The following NPR2 variants were observed in gnomAD, a reference collection of about 807,000 sequenced individuals.
The protein encoded by NPR2 is natriuretic peptide receptor 2, also known as atrial natriuretic peptide receptor 2.
A neutral mutation model predicts 120.7 loss-of-function variants in NPR2; 49 were observed. The observed-to-expected ratio is 0.41, with a 90% CI of 0.32 to 0.52. The LOEUF is 0.52. Among genes scored for constraint, NPR2 ranks in the 20% least tolerant of loss-of-function variants. The pLI is 0.36. For synonymous variants in NPR2, 484 were observed against 519.8 expected, an observed-to-expected ratio of 0.93 and a Z score of 0.94; for missense variants, 931 against 1,362.9, an observed-to-expected ratio of 0.68 and a Z score of 4.99.
At chr9:35,799,752 C>A in intron 3 of NPR2, 21 bp downstream of exon 3, 1 of 1,585,420 alleles carries the variant, frequency 6.3e-7, no homozygotes, top group Non-Finnish European at 8.7e-7. Context: ...CTCTCCCTTC[C>A]TGAGAGTCAG....
chr9:35,798,128 TAACA>T lies in NPR2; in HGVS notation c.874-1486_874-1483del, dbSNP rs572566839. Reference sequence around the variant, plus strand: ...ACCAAAAGTTTGATAACTGCTAGCCTAACAAACTAGCCAAACTTAGTGTTGAGAA... The same window carrying T: ...ACCAAAAGTTTGATAACTGCTAGCCTAACTAGCCAAACTTAGTGTTGAGAA... On this transcript the variant is annotated intron_variant, in intron 2 of 21. Coordinates refer to ENST00000342694, the MANE Select transcript of NPR2 (RefSeq NM_003995.4). 4.6e-5 allele frequency among the ~76,000 whole-genome samples: 7 copies of T among 152,378 alleles called. No individual in the cohort carries two copies. In the East Asian group the frequency reaches 1.3e-3, roughly 29 times the overall value.
rs1828537241 is a variant in NPR2, at chr9:35,808,372, G to A, written c.2713-137G>A. The A allele has an allele frequency of 9.9e-6, 14 of 1,409,070 alleles. No homozygotes were observed. The highest frequency in any genetic ancestry group is 1.3e-5 in the Non-Finnish European group (13 of 999,440). 87.3% of individuals were successfully genotyped at this position (1,409,070 alleles called of 1,614,324 possible). The stretch of plus-strand genomic sequence containing the variant: ...CCTCTCCCCTAGACTCAGGACCATG[G>A]CACTTATTTTCTAGTCAATATTCTG... On this transcript the variant is annotated intron_variant, in intron 18 of 21. Transcript: ENST00000342694. This position sits in a 1 kb window ranked among gnomAD's most constrained non-coding sequence, Gnocchi z 4.0.
Position 35,800,041 on chromosome 9 carries a change from G to GCTT in NPR2, c.1010_1012dup (p.Phe337dup), listed in dbSNP as rs755827832. ...CCCCAGATGAACCTCATCGCTGGCT[G>GCTT]CTTCTATGATGGGATCCTGCTATAT... On this transcript the variant is annotated inframe_insertion, in exon 4 of 22. Coordinates refer to ENST00000342694, the MANE Select transcript of NPR2 (RefSeq NM_003995.4). This position sits in a 1 kb window ranked among gnomAD's most constrained non-coding sequence, Gnocchi z 4.7. 1.2e-6 allele frequency: 2 copies of GCTT among 1,614,142 alleles called. No homozygotes were observed. Among genetic ancestry groups the GCTT allele is most frequent in the Non-Finnish European group, 1.7e-6 (2 of 1,180,024 alleles).
At chr9:35,797,770 A>G (rs1162388607) in intron 2 of NPR2, among the ~76,000 whole-genome samples, 1 of 151,284 alleles carries the variant, frequency 6.6e-6, no homozygotes, top group Non-Finnish European at 1.5e-5. Flanking sequence ...GTTTTTTGGT[A>G]CTACAACTAC....
At position 35,807,380 on chromosome 9, in the gene NPR2, C is replaced by A; in HGVS notation, c.2694C>A (p.Asp898Glu). The change falls in exon 18 of 22, where the codon GAC (aspartate) becomes GAA (glutamate). Residue 898 changes from aspartate (D) to glutamate (E), a missense_variant. This residue lies in a region of NPR2 where 184 missense variants were observed against 328.3 expected (regional missense o/e 0.56). Transcript: ENST00000342694. Reference protein sequence around the residue: ...DLYTCFDAIIDNFDVYKVETI... With the variant: ...DLYTCFDAIIENFDVYKVETI... ...ATACCTGCTTTGATGCCATAATTGA[C>A]AACTTTGATGTCTACAAGGTGAGAG... 3 of 1,611,714 alleles carry A rather than the reference C, an allele frequency of 1.9e-6. No individual in the cohort carries two copies. The highest frequency in any genetic ancestry group is 2.5e-6 in the Non-Finnish European group (3 of 1,178,724).
rs543538371 is a variant in NPR2, at chr9:35,801,592, G to A, written c.1437-51G>A. ...CCCCTGCAACCCTGCTGTTGGCTTG[G>A]GGGTGGCAGGATTCGGCTTGCCAGT... is the stretch of plus-strand genomic sequence containing the variant. On this transcript the variant is annotated intron_variant, in intron 7 of 21. Transcript: ENST00000342694. 1.1e-4 allele frequency: 175 copies of A among 1,611,892 alleles called. 1 individual carries two copies. In the South Asian group the frequency reaches 1.4e-3, roughly 12 times the overall value.
intron 2 of NPR2, among the ~76,000 whole-genome samples, chr9:35,798,213 G>T (rs1456186390): frequency 6.6e-6 from 1 of 152,166 alleles, no homozygotes; most frequent in African/African-American, 2.4e-5. Flanking sequence ...AATATAAATT[G>T]TGTTGAACCT....
At chr9:35,798,411 T>G (rs1456617039) in intron 2 of NPR2, among the ~76,000 whole-genome samples, 1 of 152,188 alleles carries the variant, frequency 6.6e-6, no homozygotes, top group East Asian at 1.9e-4. Context: ...GGCAGCTAAA[T>G]GCTCTAGTAA....
rs2132065770 is a variant in NPR2 at position 35,792,346 on chromosome 9, G to C, written c.-63G>C. On this transcript the variant is annotated 5_prime_UTR_variant, in exon 1 of 22. Transcript: ENST00000342694. ...AGGCTCCAGGCTGGGGGGTGCTCGC[G>C]TCTCCCCTGTAGGCCAGAGCAGCCC... The C allele has an allele frequency of 6.5e-7, 1 of 1,547,952 alleles. No homozygotes were observed. Among genetic ancestry groups the C allele is most frequent in the East Asian group, 2.3e-5 (1 of 43,306 alleles).
rs1272445861 is a variant in NPR2 at position 35,809,503 on chromosome 9, G to A, written c.*58G>A. 4.3e-6 allele frequency: 7 copies of A among 1,612,764 alleles called. No individual in the cohort carries two copies. The African/African-American group carries it at 6.7e-5, about 15-fold the overall frequency. ...GCTGCTGGTACCTGGGTGGGCAATG[G>A]CCACCATGTCTGCACACACCAGAAA... On this transcript the variant is annotated 3_prime_UTR_variant, in exon 22 of 22. Transcript: ENST00000342694. This position sits in a 1 kb window ranked among gnomAD's most constrained non-coding sequence, Gnocchi z 4.1.
chr9:35,801,592 G>C lies in NPR2; in HGVS notation c.1437-51G>C, dbSNP rs543538371. The C allele has an allele frequency of 5.6e-6, 9 of 1,611,892 alleles. No individual in the cohort carries two copies. The East Asian group carries it at 1.3e-4, about 24-fold the overall frequency. On this transcript the variant is annotated intron_variant, in intron 7 of 21. Coordinates refer to ENST00000342694, the MANE Select transcript of NPR2 (RefSeq NM_003995.4). ...CCCCTGCAACCCTGCTGTTGGCTTG[G>C]GGGTGGCAGGATTCGGCTTGCCAGT...
intron 2 of NPR2, among the ~76,000 whole-genome samples, chr9:35,798,873 G>C (rs1828029364): frequency 6.6e-6 from 1 of 152,230 alleles, no homozygotes; most frequent in South Asian, 2.1e-4. Context: ...GCATGTCTGA[G>C]ATCACATGTG....
chr9:35,793,275 C>T (rs1299888178), intron 1 of NPR2, among the ~76,000 whole-genome samples, 200 bp downstream of exon 1: 1 of 152,084 alleles, frequency 6.6e-6, no homozygotes, highest in Non-Finnish European at 1.5e-5. Context: ...TAGGCAGATG[C>T]AAACAAGGAA....
intron 2 of NPR2, among the ~76,000 whole-genome samples, 169 bp downstream of exon 2, chr9:35,794,272 C>T (rs1029539522): frequency 4.6e-5 from 7 of 152,246 alleles, no homozygotes; most frequent in African/African-American, 1.7e-4. Flanking sequence ...TACTTCTCTA[C>T]TTTTGTGACT....
chr9:35,809,623 G>T lies in NPR2; in HGVS notation c.*178G>T. ...GCAGCTCAGCCCTGTACATATACCT[G>T]TCCCTCTCTGGCTTGGTCCCCTTCC... is the stretch of plus-strand genomic sequence containing the variant. On this transcript the variant is annotated 3_prime_UTR_variant, in exon 22 of 22. Transcript: ENST00000342694. This position sits in a 1 kb window ranked among gnomAD's most constrained non-coding sequence, Gnocchi z 4.1. 1.8e-6 allele frequency: 2 copies of T among 1,136,688 alleles called. No individual in the cohort carries two copies. Among genetic ancestry groups the T allele is most frequent in the Non-Finnish European group, 2.7e-6 (2 of 753,486 alleles). 70.4% of individuals were successfully genotyped at this position (1,136,688 alleles called of 1,614,324 possible).
At chr9:35,797,691 C>T (rs1212122971) in intron 2 of NPR2, among the ~76,000 whole-genome samples, 1 of 152,000 alleles carries the variant, frequency 6.6e-6, no homozygotes, top group African/African-American at 2.4e-5. Context: ...CACTTTCTCT[C>T]AAACCCCTGA....
At position 35,807,085 on chromosome 9, in the gene NPR2, C is replaced by T; in HGVS notation, c.2582C>T (p.Thr861Ile). ...TVQAEAFDSVTIYFSDIVGFT... is the reference protein window; with the variant it reads ...TVQAEAFDSVIIYFSDIVGFT... ...CAGGCTGAGGCCTTTGACAGTGTTA[C>T]CATCTACTTCAGTGACATTGTTGGC... Residue 861 changes from threonine (T) to isoleucine (I), a missense_variant, in exon 17 of 22, where the codon ACC becomes ATC. Coordinates refer to ENST00000342694, the MANE Select transcript of NPR2 (RefSeq NM_003995.4). 6.2e-7 allele frequency: 1 copy of T among 1,611,056 alleles called. No individual in the cohort carries two copies. Among genetic ancestry groups the T allele is most frequent in the Non-Finnish European group, 8.5e-7 (1 of 1,177,954 alleles).
chr9:35,800,581 T>C lies in NPR2; in HGVS notation c.1218+98T>C. 6.3e-7 allele frequency: 1 copy of C among 1,577,806 alleles called. No individual in the cohort carries two copies. The highest frequency in any genetic ancestry group is 1.1e-5 in the South Asian group (1 of 90,136). Reference sequence around the variant, plus strand: ...AACCAAAACTACTAGATGAGGGATTTGTTTTCTCTGCTGGCACTGCATCCT... The same window carrying C: ...AACCAAAACTACTAGATGAGGGATTCGTTTTCTCTGCTGGCACTGCATCCT... On this transcript the variant is annotated intron_variant, in intron 5 of 21. Coordinates refer to ENST00000342694, the MANE Select transcript of NPR2 (RefSeq NM_003995.4). This position sits in a 1 kb window ranked among gnomAD's most constrained non-coding sequence, Gnocchi z 4.7.
intron 3 of NPR2, 123 bp downstream of exon 3, chr9:35,799,854 C>T: frequency 1.3e-5 from 18 of 1,383,264 alleles, no homozygotes; most frequent in South Asian, 3.5e-5. Flanking sequence ...CGCTTCTGTC[C>T]AGGATTTTTC....
Sources: allele counts gnomAD v4.1 joint callset (sites outside exome capture counted in the v4.1 genomes callset), GRCh38; gene constraint gnomAD v4.1.1; regional missense constraint gnomAD v4.1.1; non-coding constraint Gnocchi (gnomAD v3.1); transcripts MANE v1.5; gene names NCBI Gene and HGNC (gene_info 2026-07-23, HGNC 2026-07-21).